Variants in HECW2 observed in about 807,000 individuals in gnomAD.
HECW2 encodes HECT, C2 and WW domain containing E3 ubiquitin protein ligase 2.
Under a neutral mutation model 175.2 loss-of-function variants are expected in HECW2, and 61 were observed. That is an observed-to-expected ratio of 0.35 (90% CI 0.28 to 0.43). The LOEUF (loss-of-function observed/expected upper bound fraction) is 0.43. Among genes scored for constraint, HECW2 ranks in the 20% least tolerant of loss-of-function variants. The pLI is 1.00. For synonymous variants in HECW2, 671 were observed against 731.0 expected (o/e 0.92, Z 1.32); for missense variants, 1,524 against 2,000.5 (o/e 0.76, Z 4.54).
chr2:196,461,673 G>T (rs1696750321), intron 1 of HECW2, among the ~76,000 whole-genome samples: 2 of 152,106 alleles, frequency 1.3e-5, no homozygotes, highest in Non-Finnish European at 2.9e-5. Context: ...AAGGTTAAAG[G>T]GAAGCAAGGC....
At chr2:196,322,684 T>G in intron 6 of HECW2, 64 bp from the exon 7 acceptor site, 4 of 1,414,902 alleles carry the variant, frequency 2.8e-6, no homozygotes, top group Non-Finnish European at 3.9e-6. Flanking sequence ...TATATCATTT[T>G]ATTTGTATAG....
chr2:196,493,289 G>C (rs1477824700), intron 1 of HECW2: 1 of 152,226 alleles, frequency 6.6e-6, no homozygotes, highest in African/African-American at 2.4e-5. Flanking sequence ...AATCACTTGA[G>C]TCCAGGAGCT....
intron 1 of HECW2, among the ~76,000 whole-genome samples, chr2:196,522,730 T>C (rs112282024): frequency 0.14 from 20,259 of 149,370 alleles, 1,393 homozygotes; most frequent in Middle Eastern, 0.23. Flanking sequence ...ATTTATTAAA[T>C]AGGGAATCCT....
At chr2:196,515,679 T>A (rs1322643616) in intron 1 of HECW2, among the ~76,000 whole-genome samples, 3 of 152,216 alleles carry the variant, frequency 2.0e-5, no homozygotes, top group Non-Finnish European at 4.4e-5. Context: ...TGAGAATGAA[T>A]GAAAGATTAA....
chr2:196,486,284 G>A (rs1436846041), intron 1 of HECW2, among the ~76,000 whole-genome samples: 3 of 152,150 alleles, frequency 2.0e-5, no homozygotes, highest in Non-Finnish European at 2.9e-5. Context: ...CAAACTAAAT[G>A]GTATTTTCAC....
intron 1 of HECW2, among the ~76,000 whole-genome samples, chr2:196,520,604 G>T (rs1688327666): frequency 6.6e-6 from 1 of 152,150 alleles, no homozygotes; most frequent in African/African-American, 2.4e-5. Context: ...CTGTAATCTG[G>T]TAAGAAATCA....
intron 1 of HECW2, among the ~76,000 whole-genome samples, chr2:196,463,915 A>T (rs1201344832): frequency 6.6e-6 from 1 of 152,160 alleles, no homozygotes; most frequent in African/African-American, 2.4e-5. Context: ...GCTTCATACA[A>T]AGGAACTGAA....
chr2:196,592,151 G>A (rs1440271300), intron 1 of HECW2, among the ~76,000 whole-genome samples: 1 of 152,008 alleles, frequency 6.6e-6, no homozygotes, highest in Non-Finnish European at 1.5e-5. Context: ...CTTTCACAAA[G>A]GTATATATAT....
chr2:196,249,906 C>T (rs955205687), intron 19 of HECW2, among the ~76,000 whole-genome samples: 1 of 152,202 alleles, frequency 6.6e-6, no homozygotes, highest in African/African-American at 2.4e-5. Flanking sequence ...TTACACAGGT[C>T]TTTGGAAAAT....
intron 1 of HECW2, among the ~76,000 whole-genome samples, chr2:196,544,684 C>G (rs1689348155): frequency 6.6e-6 from 1 of 152,174 alleles, no homozygotes; most frequent in South Asian, 2.1e-4. Context: ...GAGAGTATTT[C>G]TATTAAACAC....
chr2:196,274,241 G>A, intron 15 of HECW2, 118 bp from the exon 16 acceptor site: 1 of 682,978 alleles, frequency 1.5e-6, no homozygotes, highest in Non-Finnish European at 2.6e-6. Context: ...CACTTGATCA[G>A]AACAGATACC....
At chr2:196,320,021 T>C (rs1057291404) in intron 8 of HECW2, 117 bp from the exon 9 acceptor site, 6 of 1,055,242 alleles carry the variant, frequency 5.7e-6, no homozygotes, top group Non-Finnish European at 8.0e-6. Flanking sequence ...GAGGGCTTTC[T>C]ACTGACTTGC....
chr2:196,264,490 T>C (rs375136301), intron 17 of HECW2, among the ~76,000 whole-genome samples: 1 of 152,184 alleles, frequency 6.6e-6, no homozygotes, highest in African/African-American at 2.4e-5. Context: ...AAAAACACAA[T>C]ACTTTGGAGA....
At chr2:196,236,580 A>G (rs1688260936) in intron 21 of HECW2, among the ~76,000 whole-genome samples, 1 of 152,198 alleles carries the variant, frequency 6.6e-6, no homozygotes, top group South Asian at 2.1e-4. Flanking sequence ...AGGAAACCAC[A>G]TTACATTTAA....
At chr2:196,587,711 T>C (rs975170534) in intron 1 of HECW2, among the ~76,000 whole-genome samples, 2 of 152,198 alleles carry the variant, frequency 1.3e-5, no homozygotes, top group African/African-American at 2.4e-5. Flanking sequence ...ATTAACAAAA[T>C]GTAAGCTATA....
chr2:196,372,396 C>A (rs556381097), intron 2 of HECW2, among the ~76,000 whole-genome samples: 1 of 152,198 alleles, frequency 6.6e-6, no homozygotes. Context: ...ATATTCTTTA[C>A]GGTATCTGCT....
intron 19 of HECW2, among the ~76,000 whole-genome samples, chr2:196,249,630 C>A (rs1031989664): frequency 1.3e-5 from 2 of 152,186 alleles, no homozygotes; most frequent in African/African-American, 4.8e-5. Context: ...GTTGCTTTCA[C>A]AAAACCTTCA....
At chr2:196,396,818 TA>T (rs35617246) in intron 2 of HECW2, among the ~76,000 whole-genome samples, 3 of 21,606 alleles carry the variant, frequency 1.4e-4, no homozygotes, top group African/African-American at 2.6e-4. Flanking sequence ...ATATTCCAAT[TA>T]AAAAAAAAAT....
At chr2:196,558,532 G>C (rs1213022945) in intron 1 of HECW2, among the ~76,000 whole-genome samples, 1 of 152,180 alleles carries the variant, frequency 6.6e-6, no homozygotes, top group African/African-American at 2.4e-5. Context: ...ACAACACCAG[G>C]TACTGCAACC....
Sources: gnomAD v4.1 joint callset for allele counts (sites outside exome capture counted in the v4.1 genomes callset) on GRCh38, gnomAD v4.1.1 for gene constraint, MANE v1.5 for transcripts, NCBI Gene and HGNC (gene_info 2026-07-23, HGNC 2026-07-21) for gene names.